Variants in MYT1L observed in about 807,000 individuals in gnomAD.
MYT1L encodes myelin transcription factor 1 like, also known as myelin transcription factor 1-like protein.
A neutral mutation model predicts 126.7 loss-of-function variants in MYT1L; 12 were observed. The ratio of observed to expected loss-of-function variants is 0.09; its 90% confidence interval spans 0.06 to 0.15. The LOEUF (loss-of-function observed/expected upper bound fraction) is 0.15, where lower values mean the gene tolerates loss of function less well. Ranked by LOEUF, MYT1L falls within the 10% of genes least tolerant of loss-of-function variation. The probability of loss-of-function intolerance (pLI) is 1.00; values close to 1 mark genes in which losing one functional copy is unlikely to be tolerated. For missense variants in MYT1L, 979 were observed against 1,585.2 expected, an observed-to-expected ratio of 0.62 and a Z score of 6.49; for synonymous variants, 541 against 604.2, an observed-to-expected ratio of 0.90 and a Z score of 1.53.
At chr2:2,226,052 C>A (rs1477994603) in intron 2 of MYT1L, among the ~76,000 whole-genome samples, 1 of 152,108 alleles carries the variant, frequency 6.6e-6, no homozygotes, top group Non-Finnish European at 1.5e-5. Context: ...TGGGGATGAA[C>A]AACTTTGCCT....
At position 1,801,613 on chromosome 2, in the gene MYT1L, TCC is replaced by T. The variant is rs2034879985; in HGVS notation, c.3276+81_3276+82del. On this transcript the variant is annotated intron_variant, in intron 23 of 24. Coordinates refer to ENST00000647738, the MANE Select transcript of MYT1L (RefSeq NM_001303052.2). This position sits in a 1 kb window ranked among gnomAD's most constrained non-coding sequence, Gnocchi z 4.2. ...AGCAAATAAGAGGAAACGACAGCTC[TCC>T]TAAAAGCTGATTTCATGCCATGTAT... 6.1e-6 allele frequency: 5 copies of T among 824,420 alleles called. No individual in the cohort carries two copies. Among genetic ancestry groups the T allele is most frequent in the Non-Finnish European group, 8.0e-6 (4 of 498,330 alleles). The allele number at this position is 824,420 out of a possible 1,614,324, so 51.1% of individuals were successfully genotyped here.
chr2:1,966,259 T>C (rs1195268398), intron 8 of MYT1L, among the ~76,000 whole-genome samples: 1 of 152,210 alleles, frequency 6.6e-6, no homozygotes, highest in East Asian at 1.9e-4. Context: ...CAGGCATCGC[T>C]TGACTTACTC....
chr2:1,930,970 G>A (rs2054887513), intron 9 of MYT1L, among the ~76,000 whole-genome samples: 1 of 152,212 alleles, frequency 6.6e-6, no homozygotes, highest in Non-Finnish European at 1.5e-5. Context: ...ACTGACTAGA[G>A]GGGCCGGAGG....
At chr2:2,106,108 C>A (rs1166917589) in intron 3 of MYT1L, among the ~76,000 whole-genome samples, 1 of 152,162 alleles carries the variant, frequency 6.6e-6, no homozygotes, top group Non-Finnish European at 1.5e-5. Context: ...GCAGCCAGCT[C>A]ATGGAGGGAA....
chr2:2,264,521 C>G (rs1331184394), intron 2 of MYT1L, among the ~76,000 whole-genome samples: 2 of 152,116 alleles, frequency 1.3e-5, no homozygotes, highest in Admixed American at 6.5e-5. Flanking sequence ...ACCTAATAAT[C>G]TTAATCAGCT....
chr2:2,325,438 G>GA (rs1331636249), intron 1 of MYT1L: 1 of 151,978 alleles, frequency 6.6e-6, no homozygotes, highest in African/African-American at 2.4e-5. Flanking sequence ...ATTGTTTGAA[G>GA]AAAAAAATAT....
chr2:2,053,871 C>T (rs1436490975), intron 4 of MYT1L, 107 bp downstream of exon 4: 1 of 152,624 alleles, frequency 6.6e-6, no homozygotes, highest in Non-Finnish European at 1.5e-5. Flanking sequence ...GCTTCATTCA[C>T]AAACCTATAT....
chr2:2,103,721 T>C (rs1405815877), intron 3 of MYT1L, among the ~76,000 whole-genome samples: 1 of 152,220 alleles, frequency 6.6e-6, no homozygotes, highest in African/African-American at 2.4e-5. Flanking sequence ...CTGCTTCTTT[T>C]CTCACTTATG....
At chr2:1,850,219 C>CCTTCCTT (rs2043074322) in intron 19 of MYT1L, among the ~76,000 whole-genome samples, 1 of 101,512 alleles carries the variant, frequency 9.9e-6, no homozygotes, top group Non-Finnish European at 1.9e-5. Flanking sequence ...TTCCTTCCTT[C>CCTTCCTT]CTTCCTTCCT....
At chr2:2,212,881 G>T (rs1572511745) in intron 2 of MYT1L, among the ~76,000 whole-genome samples, 1 of 152,242 alleles carries the variant, frequency 6.6e-6, no homozygotes, top group Middle Eastern at 3.4e-3. Context: ...GGAGTGCCCT[G>T]TGCCCAAGGC....
intron 2 of MYT1L, among the ~76,000 whole-genome samples, chr2:2,250,647 T>C (rs937317444): frequency 6.6e-6 from 1 of 151,362 alleles, no homozygotes; most frequent in Non-Finnish European, 1.5e-5. Context: ...ATTGTACACA[T>C]AAAAATAAAA....
chr2:2,325,474 A>T (rs2096234095), intron 1 of MYT1L: 1 of 152,248 alleles, frequency 6.6e-6, no homozygotes, highest in Admixed American at 6.5e-5. Flanking sequence ...TGAAAAGACA[A>T]GTCCTAATAT....
chr2:2,184,874 A>T (rs952800221), intron 2 of MYT1L, among the ~76,000 whole-genome samples: 1 of 152,204 alleles, frequency 6.6e-6, no homozygotes, highest in African/African-American at 2.4e-5. Context: ...ACCCGCCAAG[A>T]GAGGCCGCAG....
intron 14 of MYT1L, among the ~76,000 whole-genome samples, chr2:1,893,047 C>G (rs1476910522): frequency 6.6e-6 from 1 of 152,188 alleles, no homozygotes; most frequent in Non-Finnish European, 1.5e-5. Flanking sequence ...GCAGCTGCCT[C>G]TTTCATAGCC....
intron 2 of MYT1L, among the ~76,000 whole-genome samples, chr2:2,268,230 G>T (rs770435570): frequency 2.6e-5 from 4 of 152,068 alleles, no homozygotes; most frequent in Admixed American, 6.6e-5. Flanking sequence ...AGGCATGAGG[G>T]CTAATGAAAA....
chr2:2,030,972 T>C (rs969778426), intron 4 of MYT1L, among the ~76,000 whole-genome samples: 1 of 152,244 alleles, frequency 6.6e-6, no homozygotes, highest in Non-Finnish European at 1.5e-5. Flanking sequence ...GTTTCTCACA[T>C]TGTGAGGACA....
At chr2:1,933,051 C>T (rs2055237476) in intron 9 of MYT1L, among the ~76,000 whole-genome samples, 1 of 152,132 alleles carries the variant, frequency 6.6e-6, no homozygotes, top group African/African-American at 2.4e-5. Context: ...CTGAGTGACA[C>T]ACTCTTCACA....
At chr2:2,072,121 G>A (rs778505662) in intron 3 of MYT1L, among the ~76,000 whole-genome samples, 6 of 152,130 alleles carry the variant, frequency 3.9e-5, no homozygotes, top group Non-Finnish European at 5.9e-5. Flanking sequence ...AAATGACCCC[G>A]TCTTTGAAAG....
intron 4 of MYT1L, among the ~76,000 whole-genome samples, chr2:2,037,613 G>C (rs1053228345): frequency 6.6e-6 from 1 of 151,682 alleles, no homozygotes; most frequent in Non-Finnish European, 1.5e-5. Flanking sequence ...AAAACTAGCT[G>C]GTCATGGTGG....
Sources: gnomAD v4.1 joint callset for allele counts (sites outside exome capture counted in the v4.1 genomes callset) on GRCh38, gnomAD v4.1.1 for gene constraint, Gnocchi (gnomAD v3.1) non-coding constraint, MANE v1.5 for transcripts, NCBI Gene and HGNC (gene_info 2026-07-23, HGNC 2026-07-21) for gene names.